Variants in CCDC13 observed in about 807,000 individuals in gnomAD.
CCDC13 encodes coiled-coil domain containing 13.
In CCDC13, 70 loss-of-function variants were observed where a neutral mutation model predicts 87.3. The observed-to-expected ratio is 0.80, with a 90% CI of 0.66 to 0.98. The LOEUF (loss-of-function observed/expected upper bound fraction) is 0.98. Among genes scored for constraint, CCDC13 ranks in the 50% least tolerant of loss-of-function variants. The pLI, the probability that CCDC13 is intolerant of heterozygous loss-of-function variation, is 0.00. For synonymous variants in CCDC13, 317 were observed against 360.3 expected, an observed-to-expected ratio of 0.88 and a Z score of 1.36; for missense variants, 842 against 892.0, an observed-to-expected ratio of 0.94 and a Z score of 0.71.
chr3:42,764,857 A>G (rs1699901322), intron 1 of CCDC13, among the ~76,000 whole-genome samples: 1 of 152,140 alleles, frequency 6.6e-6, no homozygotes, highest in African/African-American at 2.4e-5. Flanking sequence ...GTGTATTATA[A>G]TTATCTATTA....
At position 42,735,722 on chromosome 3, in the gene CCDC13, TC is replaced by T; in HGVS notation, c.1355del (p.Gly452AspfsTer35). ...CCCTACTCACGTGCACATTGAGTTGTCCGATCTCCATCTCCAGCTGTCGCAC... is the reference window on the plus strand; with the variant it reads ...CCCTACTCACGTGCACATTGAGTTGTCGATCTCCATCTCCAGCTGTCGCAC... ...AKVRQLEMEI[G>X]QLNVHYLRNK... On this transcript the variant is annotated frameshift_variant, in exon 10 of 16. Coordinates refer to ENST00000310232, the MANE Select transcript of CCDC13 (RefSeq NM_144719.4). LOFTEE classifies it high-confidence loss of function. 4.3e-6 allele frequency: 7 copies of T among 1,614,158 alleles called. No homozygotes were observed. Among genetic ancestry groups the T allele is most frequent in the Non-Finnish European group, 5.9e-6 (7 of 1,180,032 alleles).
intron 13 of CCDC13, among the ~76,000 whole-genome samples, chr3:42,729,206 T>C (rs1419372486): frequency 6.6e-6 from 1 of 152,214 alleles, no homozygotes; most frequent in Non-Finnish European, 1.5e-5. Flanking sequence ...CAAACTCGGA[T>C]GTAACTCAAG....
chr3:42,711,633 A>G (rs541782567), intron 14 of CCDC13, among the ~76,000 whole-genome samples: 2 of 152,264 alleles, frequency 1.3e-5, no homozygotes, highest in Admixed American at 1.3e-4. Context: ...TCGGCAGGCC[A>G]CATCCCCTCC....
In CCDC13 at chr3:42,713,012, C is replaced by T. The variant is rs79509727; in HGVS notation, c.1873+150G>A. Reference sequence around the variant, plus strand: ...TGAGAGGCCTGGGGAAAAGAACACCCCACAGTGGAGGCAGGCAGAGCTCCA... The same window carrying T: ...TGAGAGGCCTGGGGAAAAGAACACCTCACAGTGGAGGCAGGCAGAGCTCCA... On this transcript the variant is annotated intron_variant, in intron 14 of 15. Coordinates refer to ENST00000310232, the MANE Select transcript of CCDC13 (RefSeq NM_144719.4). 7,682 of 875,592 alleles carry T rather than the reference C, an allele frequency of 8.8e-3. 294 individuals carry two copies. In the African/African-American group the frequency reaches 0.093, roughly 11 times the overall value. The allele number at this position is 875,592 out of a possible 1,614,324, so 54.2% of individuals were successfully genotyped here. A position where few individuals can be genotyped will look rare whatever the true frequency, so the allele number is the denominator to read the frequency against.
rs948286775 is a variant in CCDC13, at chr3:42,771,495, C to T, written c.-7+1681G>A. Among the ~76,000 whole-genome samples, 4 of 152,202 alleles carry T rather than the reference C, an allele frequency of 2.6e-5. No individual in the cohort carries two copies. The South Asian group carries it at 6.2e-4, about 24-fold the overall frequency. On this transcript the variant is annotated intron_variant, in intron 1 of 15. Coordinates refer to ENST00000310232, the MANE Select transcript of CCDC13 (RefSeq NM_144719.4). ...ACTGGCCAGGTGTGATGACTCACAC[C>T]TGTAATCTCAACACTCTACGAAGCC...
At chr3:42,772,361 A>C (rs868681232) in intron 1 of CCDC13, among the ~76,000 whole-genome samples, 30 of 151,832 alleles carry the variant, frequency 2.0e-4, no homozygotes, top group Admixed American at 3.3e-4. Context: ...TAGGACTTAG[A>C]GCCAGGGAGT....
intron 3 of CCDC13, among the ~76,000 whole-genome samples, chr3:42,753,269 T>C (rs1041406519): frequency 3.9e-5 from 6 of 152,198 alleles, no homozygotes; most frequent in African/African-American, 1.4e-4. Context: ...AAGAGAGACA[T>C]GTTGAACAAA....
intron 15 of CCDC13, among the ~76,000 whole-genome samples, 189 bp from the exon 16 acceptor site, chr3:42,709,328 C>A (rs1337701050): frequency 6.6e-6 from 1 of 152,230 alleles, no homozygotes; most frequent in Non-Finnish European, 1.5e-5. Flanking sequence ...TGGCTCCCTG[C>A]AATGTAAGCT....
Position 42,747,257 on chromosome 3 carries a change from CT to C in CCDC13, c.719del (p.Lys240ArgfsTer76). 6.2e-7 allele frequency: 1 copy of C among 1,612,480 alleles called. No homozygotes were observed. The highest frequency in any genetic ancestry group is 8.5e-7 in the Non-Finnish European group (1 of 1,178,538). On this transcript the variant is annotated frameshift_variant and splice_region_variant, in exon 6 of 16. Coordinates refer to ENST00000310232, the MANE Select transcript of CCDC13 (RefSeq NM_144719.4). LOFTEE classifies it high-confidence loss of function. ...SVKQELRMAQ[K>X]VLAREVGEDI... ...GCCCCAAGCCCTGGCTCTGAAAGAC[CT>C]TCTGTGCCATCCGCAGCTCCTGCTT...
At chr3:42,735,945 C>T in intron 9 of CCDC13, 32 bp from the exon 10 acceptor site, 3 of 1,593,694 alleles carry the variant, frequency 1.9e-6, no homozygotes, top group Middle Eastern at 1.8e-4. Context: ...CAGGTGGAGT[C>T]AGTCATGGCC....
At chr3:42,767,786 C>A (rs1324218534) in intron 1 of CCDC13, among the ~76,000 whole-genome samples, 2 of 152,158 alleles carry the variant, frequency 1.3e-5, no homozygotes, top group South Asian at 2.1e-4. Flanking sequence ...ACCACCCTGG[C>A]AAATGTGGTA....
At chr3:42,741,740 A>T (rs943104197) in intron 8 of CCDC13, among the ~76,000 whole-genome samples, 3 of 152,268 alleles carry the variant, frequency 2.0e-5, no homozygotes, top group African/African-American at 7.2e-5. Context: ...CTATCTAAAA[A>T]AAAACAAAAA....
chr3:42,765,438 T>A (rs1009225125), intron 1 of CCDC13, among the ~76,000 whole-genome samples: 1 of 152,138 alleles, frequency 6.6e-6, no homozygotes, highest in African/African-American at 2.4e-5. Context: ...GGAGTTTCAC[T>A]CTCGTTGCCC....
chr3:42,728,396 C>T lies in CCDC13; in HGVS notation c.1718+2071G>A, dbSNP rs1045172762. On this transcript the variant is annotated intron_variant, in intron 13 of 15. Transcript: ENST00000310232. ...AGCTAGGCAGAGAAAGACTCCCCCC[C>T]ACCCTCCCCTGTGCAAGGCTGGGAC... 4.5e-4 allele frequency among the ~76,000 whole-genome samples: 69 copies of T among 152,166 alleles called. 1 individual carries two copies. The highest frequency in any genetic ancestry group is 2.1e-4 in the South Asian group (1 of 4,808).
intron 5 of CCDC13, among the ~76,000 whole-genome samples, chr3:42,750,961 A>T (rs538517087): frequency 7.0e-6 from 1 of 143,216 alleles, no homozygotes; most frequent in South Asian, 2.2e-4. Flanking sequence ...TGTAGAGGGC[A>T]GAGCCCCTCT....
intron 1 of CCDC13, among the ~76,000 whole-genome samples, chr3:42,771,510 T>C (rs543793487): frequency 4.2e-4 from 64 of 152,266 alleles, no homozygotes; most frequent in Middle Eastern, 6.8e-3. Context: ...ATCTCAACAC[T>C]CTACGAAGCC....
At position 42,708,237 on chromosome 3, in the gene CCDC13, T is replaced by G. The variant is rs947709382; in HGVS notation, c.*743A>C. The G allele has an allele frequency of 4.6e-5, 7 of 151,980 alleles. No individual in the cohort carries two copies. Among genetic ancestry groups the G allele is most frequent in the African/African-American group, 1.7e-4 (7 of 41,330 alleles). The allele number at this position is 151,980 out of a possible 1,614,324, so 9.4% of individuals were successfully genotyped here. A position where few individuals can be genotyped will look rare whatever the true frequency, so the allele number is the denominator to read the frequency against. ...GAACGGCAAGACCCTGGTTTTGGGG[T>G]CAGGCAGACTGCAGTTAAATATTAG... is the stretch of plus-strand genomic sequence containing the variant. On this transcript the variant is annotated 3_prime_UTR_variant, in exon 16 of 16. Coordinates refer to ENST00000310232, the MANE Select transcript of CCDC13 (RefSeq NM_144719.4).
chr3:42,757,976 C>T (rs1699739811), intron 2 of CCDC13, 149 bp downstream of exon 2: 2 of 635,328 alleles, frequency 3.1e-6, no homozygotes, highest in Non-Finnish European at 5.4e-6. Context: ...TGTATCAAAA[C>T]TTGTTAAATG....
rs1368907308 is a variant in CCDC13 at position 42,732,886 on chromosome 3, C to A, written c.1595+1G>T. On this transcript the variant is annotated splice_donor_variant, in intron 12 of 15. Coordinates refer to ENST00000310232, the MANE Select transcript of CCDC13 (RefSeq NM_144719.4). LOFTEE classifies it high-confidence loss of function. ...AGAGTCCGGGGGTCGGGGGTCCATACCTAGGTGAGGTCCTGTGGGGACTGG... is the reference window on the plus strand; with the variant it reads ...AGAGTCCGGGGGTCGGGGGTCCATAACTAGGTGAGGTCCTGTGGGGACTGG... The A allele has an allele frequency of 3.9e-6, 6 of 1,552,180 alleles. No individual in the cohort carries two copies. The African/African-American group carries it at 8.2e-5, about 21-fold the overall frequency.
Sources: allele counts gnomAD v4.1 joint callset (sites outside exome capture counted in the v4.1 genomes callset), GRCh38; gene constraint gnomAD v4.1.1; transcripts MANE v1.5; gene names NCBI Gene and HGNC (gene_info 2026-07-23, HGNC 2026-07-21).